Variants in ANKH observed in about 807,000 individuals in gnomAD.
The protein encoded by ANKH is ANKH inorganic pyrophosphate transport regulator.
ANKH carries 15 observed loss-of-function variants against 49.0 expected under a neutral mutation model. The ratio of observed to expected loss-of-function variants is 0.31; its 90% CI spans 0.20 to 0.47. The LOEUF is 0.47. Among genes scored for constraint, ANKH ranks in the 20% least tolerant of loss-of-function variants. The pLI, the probability that ANKH is intolerant of heterozygous loss-of-function variation, is 1.00. For synonymous variants in ANKH, 273 were observed against 260.0 expected (o/e 1.05, Z -0.48); for missense variants, 429 against 652.0 (o/e 0.66, Z 3.72).
At chr5:14,773,451 T>TA (rs533701432) in intron 1 of ANKH, among the ~76,000 whole-genome samples, 65 of 148,550 alleles carry the variant, frequency 4.4e-4, no homozygotes, top group African/African-American at 1.6e-3. Flanking sequence ...TTCCCGGACT[T>TA]GAGTCCTCAA....
chr5:14,712,212 C>T (rs997736891), intron 11 of ANKH, among the ~76,000 whole-genome samples: 4 of 152,356 alleles, frequency 2.6e-5, no homozygotes, highest in South Asian at 2.1e-4. Context: ...CTGAGATGCA[C>T]GTCACGCACC....
Position 14,713,552 on chromosome 5 carries a change from G to A in ANKH, c.1257C>T (p.Pro419=), listed in dbSNP as rs1371895000. The change falls in exon 10 of 12, where the codon CCC becomes CCT. Residue 419 remains proline, a synonymous_variant. Transcript: ENST00000284268. The surrounding 1 kb of genome is among the most constrained non-coding windows in gnomAD (Gnocchi z 4.4). ...ACTCCCTGACAACATACCCCAGGTA[G>A]GGTAGGACCACGAGGCTGGCGATGA... ...IVLIASLVVL[P]YLGVHGATLG... 1 of 1,614,198 alleles carries A rather than the reference G, an allele frequency of 6.2e-7. No homozygotes were observed. The highest frequency in any genetic ancestry group is 2.2e-5 in the East Asian group (1 of 44,884).
intron 1 of ANKH, among the ~76,000 whole-genome samples, chr5:14,835,988 A>G (rs988485662): frequency 1.3e-5 from 2 of 152,214 alleles, no homozygotes; most frequent in African/African-American, 4.8e-5. Flanking sequence ...AACGTAATCC[A>G]TCACATAAAC....
intron 1 of ANKH, among the ~76,000 whole-genome samples, chr5:14,841,685 C>A (rs574845847): frequency 2.6e-5 from 4 of 152,160 alleles, no homozygotes; most frequent in African/African-American, 7.2e-5. Flanking sequence ...TCTCCGGAAC[C>A]CTTTCTGCCT....
At chr5:14,778,933 C>T (rs185983487) in intron 1 of ANKH, among the ~76,000 whole-genome samples, 4 of 152,302 alleles carry the variant, frequency 2.6e-5, no homozygotes, top group Admixed American at 2.6e-4. Flanking sequence ...TGCCCAGTTA[C>T]CCCTCTAGTC....
chr5:14,838,353 T>C (rs1303685649), intron 1 of ANKH, among the ~76,000 whole-genome samples: 1 of 151,734 alleles, frequency 6.6e-6, no homozygotes, highest in Non-Finnish European at 1.5e-5. Flanking sequence ...ACCTGCACAT[T>C]GTGCACATGT....
intron 1 of ANKH, among the ~76,000 whole-genome samples, chr5:14,813,905 C>T (rs1293570921): frequency 6.6e-6 from 1 of 152,160 alleles, no homozygotes; most frequent in Non-Finnish European, 1.5e-5. Flanking sequence ...CCCACCAATG[C>T]TCCCACATCC....
At chr5:14,788,196 C>A (rs1300612032) in intron 1 of ANKH, 1 of 152,202 alleles carries the variant, frequency 6.6e-6, no homozygotes, top group African/African-American at 2.4e-5. Context: ...TTGTCTTCAT[C>A]CCGACGAAAT....
chr5:14,756,459 G>A (rs540106356), intron 3 of ANKH, among the ~76,000 whole-genome samples: 66 of 152,334 alleles, frequency 4.3e-4, no homozygotes, highest in South Asian at 1.4e-3. Flanking sequence ...AAGATGCTAC[G>A]AGGGGAGCAG....
At chr5:14,741,763 T>G (rs1022052149) in intron 8 of ANKH, 64 bp downstream of exon 8, 1 of 1,228,018 alleles carries the variant, frequency 8.1e-7, no homozygotes, top group South Asian at 1.2e-5. Flanking sequence ...CCCTTTAAAA[T>G]AGCAACTTGC....
At chr5:14,792,078 C>T (rs994943065) in intron 1 of ANKH, among the ~76,000 whole-genome samples, 7 of 152,028 alleles carry the variant, frequency 4.6e-5, no homozygotes, top group Non-Finnish European at 2.9e-5. Flanking sequence ...TCCTTTGGGA[C>T]GAGGGTGGAG....
At chr5:14,779,144 C>T (rs1284208439) in intron 1 of ANKH, among the ~76,000 whole-genome samples, 1 of 152,200 alleles carries the variant, frequency 6.6e-6, no homozygotes, top group African/African-American at 2.4e-5. Context: ...CACCTCCTCC[C>T]TCCTGTCACA....
At chr5:14,771,603 CATT>C (rs1739431023) in intron 1 of ANKH, among the ~76,000 whole-genome samples, 1 of 152,022 alleles carries the variant, frequency 6.6e-6, no homozygotes, top group Non-Finnish European at 1.5e-5. Flanking sequence ...CAGTAAGGTA[CATT>C]ATTAGTTATA....
At position 14,709,601 on chromosome 5, in the gene ANKH, T is replaced by C. The variant is rs1010364972; in HGVS notation, c.*1596A>G. ...GACACAAAGGGCCTGCCTTTTTCTT[T>C]CTCATTTTTGCCTTTCCAGCTTGCA... On this transcript the variant is annotated 3_prime_UTR_variant, in exon 12 of 12. Coordinates refer to ENST00000284268, the MANE Select transcript of ANKH (RefSeq NM_054027.6). The C allele has an allele frequency of 2.0e-5, 3 of 152,310 alleles. No individual in the cohort carries two copies. Among genetic ancestry groups the C allele is most frequent in the Non-Finnish European group, 4.4e-5 (3 of 68,042 alleles). The allele number at this position is 152,310 out of a possible 1,614,324, so 9.4% of individuals were successfully genotyped here. A position where few individuals can be genotyped will look rare whatever the true frequency, so the allele number is the denominator to read the frequency against.
rs6870492 is a variant in ANKH at position 14,784,359 on chromosome 5, G to A, written c.97-15168C>T. 7.0e-3 allele frequency among the ~76,000 whole-genome samples: 1,067 copies of A among 152,252 alleles called. 12 individuals are homozygous for A. Among genetic ancestry groups the A allele is most frequent in the Middle Eastern group, 0.014 (4 of 294 alleles). ...ACCAGTGAGACTGCCAGCCTGCCTG[G>A]TGCTCCTTCCTCTGCACCTCAACAC... On this transcript the variant is annotated intron_variant, in intron 1 of 11. Coordinates refer to ENST00000284268, the MANE Select transcript of ANKH (RefSeq NM_054027.6).
intron 1 of ANKH, among the ~76,000 whole-genome samples, chr5:14,838,308 C>T (rs1741717887): frequency 2.0e-5 from 3 of 151,358 alleles, no homozygotes. Flanking sequence ...ATGGGTGCAG[C>T]ACACCAACAT....
intron 8 of ANKH, among the ~76,000 whole-genome samples, chr5:14,723,278 GT>G (rs1325245218): frequency 6.6e-6 from 1 of 151,898 alleles, no homozygotes; most frequent in Non-Finnish European, 1.5e-5. Flanking sequence ...GTAAAGTAAT[GT>G]GAGTGAGGGT....
At chr5:14,762,886 A>G (rs924920192) in intron 2 of ANKH, among the ~76,000 whole-genome samples, 9 of 152,250 alleles carry the variant, frequency 5.9e-5, no homozygotes, top group African/African-American at 2.2e-4. Flanking sequence ...TGAAGAGCAG[A>G]ACATTACAAA....
chr5:14,848,997 T>C (rs1237250425), intron 1 of ANKH, among the ~76,000 whole-genome samples: 1 of 152,228 alleles, frequency 6.6e-6, no homozygotes, highest in African/African-American at 2.4e-5. Flanking sequence ...ACTACCTGAT[T>C]GGTCGGGTGT....
Sources: allele counts gnomAD v4.1 joint callset (sites outside exome capture counted in the v4.1 genomes callset), GRCh38; gene constraint gnomAD v4.1.1; non-coding constraint Gnocchi (gnomAD v3.1); transcripts MANE v1.5; gene names NCBI Gene and HGNC (gene_info 2026-07-23, HGNC 2026-07-21).